Variants in MACROD2 observed in about 807,000 individuals in gnomAD.
MACROD2 encodes the protein mono-ADP ribosylhydrolase 2, also known as ADP-ribose glycohydrolase MACROD2.
A neutral mutation model predicts 70.4 loss-of-function variants in MACROD2; 36 were observed. That is an observed-to-expected ratio of 0.51 (90% CI 0.39 to 0.68). The LOEUF (loss-of-function observed/expected upper bound fraction) is 0.68, where lower values mean the gene tolerates loss of function less well. MACROD2 is among the 30% of genes least tolerant of loss of function. The pLI is 0.00. For missense variants in MACROD2, 496 were observed against 538.4 expected (o/e 0.92, Z 0.78); for synonymous variants, 172 against 178.8 (o/e 0.96, Z 0.30).
intron 3 of MACROD2, among the ~76,000 whole-genome samples, chr20:14,353,696 G>A (rs1437458765): frequency 3.9e-5 from 6 of 152,120 alleles, no homozygotes; most frequent in Non-Finnish European, 5.9e-5. Context: ...AGAATCAGGC[G>A]CAGACAAAAC....
intron 7 of MACROD2, among the ~76,000 whole-genome samples, chr20:15,497,015 T>A (rs563319902): frequency 2.2e-4 from 33 of 151,948 alleles, no homozygotes; most frequent in African/African-American, 7.7e-4. Flanking sequence ...CGGTGGAAAA[T>A]AGTTCAGAGG....
At chr20:14,178,648 TGTACGGCTTTGACTCTTAGAATCATA>T (rs1482533892) in intron 3 of MACROD2, among the ~76,000 whole-genome samples, 3 of 152,044 alleles carry the variant, frequency 2.0e-5, no homozygotes, top group Admixed American at 2.0e-4. Flanking sequence ...ATACCTTTTT[TGTACGGCTTTGACTCTTAGAATCATA>T]GTAATATTTT....
chr20:14,966,287 A>G (rs2074635788), intron 5 of MACROD2, among the ~76,000 whole-genome samples: 1 of 152,160 alleles, frequency 6.6e-6, no homozygotes, highest in Non-Finnish European at 1.5e-5. Context: ...TACTTGTGTA[A>G]CCACCTCCGA....
At chr20:15,209,577 G>A (rs2076743306) in intron 5 of MACROD2, among the ~76,000 whole-genome samples, 1 of 152,118 alleles carries the variant, frequency 6.6e-6, no homozygotes, top group Non-Finnish European at 1.5e-5. Context: ...TGTAGGACAG[G>A]TTACGCCCAG....
intron 3 of MACROD2, among the ~76,000 whole-genome samples, chr20:14,307,012 AAC>A (rs3044626): frequency 0.22 from 33,134 of 147,962 alleles, 3,723 homozygotes; most frequent in East Asian, 0.29. Context: ...ACTAAATGTA[AAC>A]ACACACACAC....
intron 3 of MACROD2, among the ~76,000 whole-genome samples, chr20:14,318,803 C>T (rs2082634893): frequency 1.3e-5 from 2 of 152,170 alleles, no homozygotes; most frequent in South Asian, 4.1e-4. Flanking sequence ...AATATTATCT[C>T]CCTTCTGGAT....
At chr20:15,272,786 G>C (rs903411441) in intron 6 of MACROD2, among the ~76,000 whole-genome samples, 1 of 152,120 alleles carries the variant, frequency 6.6e-6, no homozygotes, top group African/African-American at 2.4e-5. Context: ...CCAATTTGGG[G>C]AGTAAAACAA....
At chr20:14,894,878 TATTA>T (rs2073809415) in intron 5 of MACROD2, 1 of 152,148 alleles carries the variant, frequency 6.6e-6, no homozygotes, top group African/African-American at 2.4e-5. Context: ...AACAAAAATA[TATTA>T]ACATGTTTGG....
At chr20:14,372,150 G>C (rs550764501) in intron 3 of MACROD2, among the ~76,000 whole-genome samples, 22 of 152,248 alleles carry the variant, frequency 1.4e-4, no homozygotes, top group African/African-American at 4.8e-4. Context: ...GTGAGTGCTT[G>C]TGTGTTGTAT....
intron 8 of MACROD2, among the ~76,000 whole-genome samples, chr20:15,628,580 T>C (rs1011411331): frequency 2.0e-5 from 3 of 152,250 alleles, no homozygotes; most frequent in African/African-American, 7.2e-5. Flanking sequence ...ACAACCATTT[T>C]GTTGCAGTCC....
chr20:15,641,469 G>A (rs529862062), intron 8 of MACROD2, among the ~76,000 whole-genome samples: 46 of 152,292 alleles, frequency 3.0e-4, no homozygotes, highest in Non-Finnish European at 4.7e-4. Context: ...TGGAGAATCC[G>A]TGGTCTTCTC....
chr20:15,902,660 A>G (rs1334633970), intron 10 of MACROD2, among the ~76,000 whole-genome samples: 1 of 151,984 alleles, frequency 6.6e-6, no homozygotes, highest in African/African-American at 2.4e-5. Context: ...GGCAGCCGCC[A>G]TGTATGAGGA....
intron 6 of MACROD2, among the ~76,000 whole-genome samples, chr20:15,291,072 G>A (rs1407000330): frequency 4.6e-5 from 7 of 152,214 alleles, no homozygotes; most frequent in African/African-American, 1.7e-4. Flanking sequence ...GGCTGTTCCA[G>A]GCAGCCAAAT....
At chr20:16,020,409 C>T (rs1838614255) in intron 15 of MACROD2, among the ~76,000 whole-genome samples, 1 of 151,944 alleles carries the variant, frequency 6.6e-6, no homozygotes, top group African/African-American at 2.4e-5. Context: ...TACCTCCCCT[C>T]CACCCAAGAC....
chr20:14,403,258 T>C (rs1427609822), intron 3 of MACROD2, among the ~76,000 whole-genome samples: 2 of 152,176 alleles, frequency 1.3e-5, no homozygotes, highest in Admixed American at 6.5e-5. Flanking sequence ...CATTGCCATG[T>C]CACTGGATGA....
At chr20:14,320,217 T>G (rs2082646432) in intron 3 of MACROD2, among the ~76,000 whole-genome samples, 1 of 152,218 alleles carries the variant, frequency 6.6e-6, no homozygotes, top group Admixed American at 6.5e-5. Context: ...TTACCTGTGC[T>G]GAAAATCTTC....
intron 5 of MACROD2, among the ~76,000 whole-genome samples, chr20:14,773,089 C>T (rs1438875043): frequency 2.6e-5 from 4 of 151,940 alleles, no homozygotes; most frequent in African/African-American, 7.3e-5. Flanking sequence ...AGAAAAATGG[C>T]GCTAGAAATC....
chr20:14,609,592 C>T (rs939308389), intron 4 of MACROD2, among the ~76,000 whole-genome samples: 2 of 152,028 alleles, frequency 1.3e-5, no homozygotes, highest in African/African-American at 4.8e-5. Flanking sequence ...CTTTGATTTC[C>T]ATTGCAACCT....
intron 8 of MACROD2, among the ~76,000 whole-genome samples, chr20:15,577,583 T>C (rs1385198384): frequency 2.0e-5 from 3 of 152,140 alleles, no homozygotes; most frequent in African/African-American, 7.2e-5. Flanking sequence ...TCTTGGTATA[T>C]ATCCTTTCCA....
Sources: gnomAD v4.1 joint callset for allele counts (sites outside exome capture counted in the v4.1 genomes callset) on GRCh38, gnomAD v4.1.1 for gene constraint, MANE v1.5 for transcripts, NCBI Gene and HGNC (gene_info 2026-07-23, HGNC 2026-07-21) for gene names.